The following ZNF475 variants were observed in gnomAD, a reference collection of about 807,000 sequenced individuals.
The protein encoded by ZNF475 is zinc finger protein 475.
the ZNF475 span, among the ~76,000 whole-genome samples, chr5:122,181,132 G>T: frequency 6.6e-6 from 1 of 152,124 alleles, no homozygotes; most frequent in Non-Finnish European, 1.5e-5. Context: ...TCCTATAACT[G>T]CACTTCCCTG....
the ZNF475 span, among the ~76,000 whole-genome samples, chr5:122,174,919 T>C: frequency 2.6e-5 from 4 of 152,234 alleles, no homozygotes; most frequent in African/African-American, 7.2e-5. Context: ...TTTAAACATC[T>C]TGAAAATTTT....
chr5:122,160,289 T>G, the ZNF475 span: 18 of 1,289,652 alleles, frequency 1.4e-5, no homozygotes, highest in African/African-American at 3.0e-5. Flanking sequence ...TCTTCTACAT[T>G]GTTGGCTCCA....
At chr5:122,178,953 T>C in the ZNF475 span, among the ~76,000 whole-genome samples, 1 of 152,356 alleles carries the variant, frequency 6.6e-6, no homozygotes, top group East Asian at 1.9e-4. Flanking sequence ...TTTTTGCATA[T>C]GGCTAGCCAG....
the ZNF475 span, among the ~76,000 whole-genome samples, chr5:122,178,949 C>A: frequency 6.6e-6 from 1 of 152,150 alleles, no homozygotes; most frequent in East Asian, 1.9e-4. Flanking sequence ...CAGTTTTTTG[C>A]ATATGGCTAG....
chr5:122,172,331 G>C, the ZNF475 span, among the ~76,000 whole-genome samples: 1 of 152,172 alleles, frequency 6.6e-6, no homozygotes, highest in Non-Finnish European at 1.5e-5. Context: ...CCTAAAGCCA[G>C]ATATGGTGCC....
chr5:122,162,303 A>C, the ZNF475 span: 1 of 152,264 alleles, frequency 6.6e-6, no homozygotes, highest in African/African-American at 2.4e-5. Flanking sequence ...GGATTGGGAA[A>C]TTCTTTTACA....
chr5:122,180,221 A>G, the ZNF475 span, among the ~76,000 whole-genome samples: 5 of 152,326 alleles, frequency 3.3e-5, no homozygotes, highest in Non-Finnish European at 1.5e-5. Context: ...AAACTGGTCC[A>G]TGTGTGCACC....
chr5:122,171,789 A>G, the ZNF475 span, among the ~76,000 whole-genome samples: 1 of 151,212 alleles, frequency 6.6e-6, no homozygotes, highest in African/African-American at 2.4e-5. Flanking sequence ...CTCACAGTGG[A>G]GTGCAGTGGC....
At chr5:122,178,040 C>T in the ZNF475 span, among the ~76,000 whole-genome samples, 1 of 152,070 alleles carries the variant, frequency 6.6e-6, no homozygotes, top group Non-Finnish European at 1.5e-5. Flanking sequence ...TGGTGGTTTC[C>T]AGTTTCATCC....
At chr5:122,166,265 A>G in the ZNF475 span, among the ~76,000 whole-genome samples, 2 of 152,214 alleles carry the variant, frequency 1.3e-5, no homozygotes, top group Non-Finnish European at 2.9e-5. Context: ...TTGTGCATAT[A>G]TACACACATA....
At chr5:122,173,673 A>G in the ZNF475 span, among the ~76,000 whole-genome samples, 1 of 152,262 alleles carries the variant, frequency 6.6e-6, no homozygotes, top group South Asian at 2.1e-4. Context: ...AATTGAAAAC[A>G]TATGAAAAGT....
the ZNF475 span, among the ~76,000 whole-genome samples, chr5:122,172,410 A>C: frequency 1.3e-5 from 2 of 152,134 alleles, no homozygotes; most frequent in Non-Finnish European, 2.9e-5. Context: ...CCCTTTAACA[A>C]TGAATCATCT....
At chr5:122,167,558 G>C in the ZNF475 span, among the ~76,000 whole-genome samples, 2 of 152,130 alleles carry the variant, frequency 1.3e-5, no homozygotes, top group Non-Finnish European at 2.9e-5. Context: ...TTTACAACGT[G>C]TACTGCTGAC....
chr5:122,172,262 T>A, the ZNF475 span, among the ~76,000 whole-genome samples: 1 of 152,214 alleles, frequency 6.6e-6, no homozygotes, highest in Non-Finnish European at 1.5e-5. Context: ...CTATTAATAT[T>A]AGCCAAGACA....
the ZNF475 span, chr5:122,179,611 C>G: frequency 6.5e-6 from 10 of 1,531,742 alleles, no homozygotes; most frequent in African/African-American, 2.7e-5. Flanking sequence ...GAATATGGAA[C>G]AAAATCTATT....
the ZNF475 span, among the ~76,000 whole-genome samples, chr5:122,169,867 A>G: frequency 3.3e-5 from 5 of 152,262 alleles, no homozygotes; most frequent in African/African-American, 1.2e-4. Context: ...TTTTTGACTA[A>G]TGCGTTCAGG....
At chr5:122,175,941 T>C in the ZNF475 span, among the ~76,000 whole-genome samples, 1 of 152,192 alleles carries the variant, frequency 6.6e-6, no homozygotes, top group Non-Finnish European at 1.5e-5. Flanking sequence ...TTCCTTGACA[T>C]AATTTTTAAC....
At chr5:122,171,979 A>G in the ZNF475 span, among the ~76,000 whole-genome samples, 6 of 152,142 alleles carry the variant, frequency 3.9e-5, no homozygotes, top group Non-Finnish European at 7.4e-5. Flanking sequence ...CCTTCGGCTC[A>G]AGCAATCTAC....
chr5:122,168,352 T>A, the ZNF475 span, among the ~76,000 whole-genome samples: 1 of 152,242 alleles, frequency 6.6e-6, no homozygotes, highest in Non-Finnish European at 1.5e-5. Flanking sequence ...TCATGGTTTT[T>A]TTACTGTGAC....
Sources: gnomAD v4.1 joint callset for allele counts (sites outside exome capture counted in the v4.1 genomes callset) on GRCh38, gnomAD v4.1.1 for gene constraint, MANE v1.5 for transcripts, NCBI Gene and HGNC (gene_info 2026-07-23, HGNC 2026-07-21) for gene names.